The following ZCCHC24 variants were observed in gnomAD, a reference collection of about 807,000 sequenced individuals.
ZCCHC24 encodes zinc finger CCHC-type containing 24.
A neutral mutation model predicts 26.2 loss-of-function variants in ZCCHC24; 10 were observed. The observed-to-expected ratio is 0.38, with a 90% CI of 0.24 to 0.65. The LOEUF (loss-of-function observed/expected upper bound fraction) is 0.65, where lower values mean the gene tolerates loss of function less well. Among genes scored for constraint, ZCCHC24 ranks in the 30% least tolerant of loss-of-function variants. The pLI, the probability that ZCCHC24 is intolerant of heterozygous loss-of-function variation, is 0.54. For synonymous variants in ZCCHC24, 144 were observed against 147.1 expected, an observed-to-expected ratio of 0.98 and a Z score of 0.15; for missense variants, 243 against 329.1, an observed-to-expected ratio of 0.74 and a Z score of 2.03.
chr10:79,416,781 T>C (rs1856867091), intron 2 of ZCCHC24, among the ~76,000 whole-genome samples: 1 of 152,168 alleles, frequency 6.6e-6, no homozygotes. Context: ...AGCCTCTCTG[T>C]GCCTCAGTTT....
intron 2 of ZCCHC24, among the ~76,000 whole-genome samples, chr10:79,428,265 A>G (rs147723716): frequency 0.014 from 2,061 of 152,330 alleles, 46 homozygotes; most frequent in African/African-American, 0.047. Flanking sequence ...TGAGCCAATC[A>G]CCAAAAGACA....
intron 2 of ZCCHC24, among the ~76,000 whole-genome samples, chr10:79,429,426 A>C (rs751704633): frequency 6.6e-6 from 1 of 152,140 alleles, no homozygotes; most frequent in South Asian, 2.1e-4. Context: ...TATTAAAAAC[A>C]GAAAAATTAG....
At chr10:79,443,509 C>T (rs1406983006) in intron 1 of ZCCHC24, among the ~76,000 whole-genome samples, 2 of 152,188 alleles carry the variant, frequency 1.3e-5, no homozygotes, top group African/African-American at 4.8e-5. Context: ...CACAAGCACC[C>T]CCATCAAATC....
intron 2 of ZCCHC24, among the ~76,000 whole-genome samples, chr10:79,401,029 G>A (rs1459819700): frequency 6.6e-6 from 1 of 152,236 alleles, no homozygotes; most frequent in East Asian, 1.9e-4. Flanking sequence ...TTGCACAGAG[G>A]TGACATTGTG....
chr10:79,441,809 G>A (rs1857294605), intron 1 of ZCCHC24, among the ~76,000 whole-genome samples: 2 of 152,170 alleles, frequency 1.3e-5, no homozygotes, highest in South Asian at 4.2e-4. Flanking sequence ...TGGAGAAAGA[G>A]GGAAAGAGAA....
chr10:79,392,443 C>A (rs774916429), intron 3 of ZCCHC24, among the ~76,000 whole-genome samples: 1 of 152,162 alleles, frequency 6.6e-6, no homozygotes, highest in Non-Finnish European at 1.5e-5. Context: ...TTGCACCATC[C>A]AACCCATGAA....
At chr10:79,408,362 A>G (rs1406002768) in intron 2 of ZCCHC24, among the ~76,000 whole-genome samples, 1 of 152,198 alleles carries the variant, frequency 6.6e-6, no homozygotes, top group Non-Finnish European at 1.5e-5. Flanking sequence ...ACTGGCATGT[A>G]TCTGACCAGC....
chr10:79,407,904 G>A (rs370510205), intron 2 of ZCCHC24, among the ~76,000 whole-genome samples: 9 of 152,006 alleles, frequency 5.9e-5, no homozygotes, highest in Non-Finnish European at 1.2e-4. Flanking sequence ...CAGTGGCGGC[G>A]GGGTACTGGG....
At chr10:79,436,121 C>T (rs1857215486) in intron 1 of ZCCHC24, among the ~76,000 whole-genome samples, 1 of 152,196 alleles carries the variant, frequency 6.6e-6, no homozygotes, top group African/African-American at 2.4e-5. Context: ...GTTCTGTGGC[C>T]TTCCTTCTGT....
chr10:79,406,933 C>T (rs1352663641), intron 2 of ZCCHC24, among the ~76,000 whole-genome samples: 1 of 152,224 alleles, frequency 6.6e-6, no homozygotes, highest in Non-Finnish European at 1.5e-5. Context: ...TTTTCATACC[C>T]ACCTTTACAC....
chr10:79,415,968 G>A (rs1589669564), intron 2 of ZCCHC24, among the ~76,000 whole-genome samples: 1 of 152,136 alleles, frequency 6.6e-6, no homozygotes, highest in East Asian at 1.9e-4. Context: ...GGGGAAGCTT[G>A]TGAAAATGCA....
chr10:79,411,551 G>A (rs1856792285), intron 2 of ZCCHC24, among the ~76,000 whole-genome samples: 1 of 152,196 alleles, frequency 6.6e-6, no homozygotes, highest in Non-Finnish European at 1.5e-5. Context: ...TAGAGGGAAA[G>A]GTGGCCCCAG....
intron 3 of ZCCHC24, among the ~76,000 whole-genome samples, chr10:79,388,228 T>C (rs1463755874): frequency 1.3e-5 from 2 of 152,108 alleles, no homozygotes; most frequent in Non-Finnish European, 2.9e-5. Flanking sequence ...CAGCCCGGCA[T>C]GCAGAAGCTG....
intron 2 of ZCCHC24, among the ~76,000 whole-genome samples, chr10:79,404,079 T>C (rs1287474959): frequency 6.6e-6 from 1 of 151,986 alleles, no homozygotes; most frequent in African/African-American, 2.4e-5. Flanking sequence ...CGAGACATGA[T>C]GCAGAAACAA....
chr10:79,445,114 G>A lies in ZCCHC24; in HGVS notation c.246+81C>T, dbSNP rs928067907. On this transcript the variant is annotated intron_variant, in intron 1 of 3. Coordinates refer to ENST00000372336, the MANE Select transcript of ZCCHC24 (RefSeq NM_153367.4). The stretch of plus-strand genomic sequence containing the variant: ...GCCGGGCCGCGCCAGGCCAGGAAGA[G>A]CGGGTCAGACAGGGAACGGCCCGCC... 144 of 1,199,602 alleles carry A rather than the reference G, an allele frequency of 1.2e-4. No individual in the cohort carries two copies. In the East Asian group the frequency reaches 4.6e-3, roughly 38 times the overall value. The allele number at this position is 1,199,602 out of a possible 1,614,324, so 74.3% of individuals were successfully genotyped here. A position where few individuals can be genotyped will look rare whatever the true frequency, so the allele number is the denominator to read the frequency against.
chr10:79,440,191 G>A (rs560059387), intron 1 of ZCCHC24, among the ~76,000 whole-genome samples: 11 of 152,238 alleles, frequency 7.2e-5, no homozygotes, highest in South Asian at 4.2e-4. Context: ...TTCCCTGAAT[G>A]CATTGTCTTT....
intron 3 of ZCCHC24, among the ~76,000 whole-genome samples, chr10:79,388,813 G>A (rs2132172791): frequency 6.6e-6 from 1 of 152,272 alleles, no homozygotes; most frequent in Non-Finnish European, 1.5e-5. Context: ...GTGGCACAGG[G>A]AGGAAACAGG....
Position 79,394,381 on chromosome 10 carries a change from C to G in ZCCHC24, c.507G>C (p.Glu169Asp). Residue 169 changes from glutamate to aspartate, a missense_variant, in exon 3 of 4, where the codon GAG becomes GAC. Glu to Asp is a conservative substitution (Grantham distance 45, BLOSUM62 2). Around this residue, in one of 2 missense-constraint regions of ZCCHC24, gnomAD observed 96 missense variants for 178.3 expected, o/e 0.54. Transcript: ENST00000372336. Reference protein sequence around the residue: ...PYQGKKRCFGEYKCPKCKRKW... With the variant: ...PYQGKKRCFGDYKCPKCKRKW... ...TTCTCTTGCACTTGGGACACTTGTACTCGCCGAAGCAGCGCTTTTTGCCCT... is the reference window on the plus strand; with the variant it reads ...TTCTCTTGCACTTGGGACACTTGTAGTCGCCGAAGCAGCGCTTTTTGCCCT... The G allele has an allele frequency of 6.2e-7, 1 of 1,614,246 alleles. No homozygotes were observed. Among genetic ancestry groups the G allele is most frequent in the Non-Finnish European group, 8.5e-7 (1 of 1,180,048 alleles).
At chr10:79,386,619 GAC>G (rs1251324649) in intron 3 of ZCCHC24, among the ~76,000 whole-genome samples, 161 bp from the exon 4 acceptor site, 1 of 152,116 alleles carries the variant, frequency 6.6e-6, no homozygotes, top group Non-Finnish European at 1.5e-5. Flanking sequence ...GAGACTGACA[GAC>G]ACAGTGAGGG....
Sources: allele counts gnomAD v4.1 joint callset (sites outside exome capture counted in the v4.1 genomes callset), GRCh38; gene constraint gnomAD v4.1.1; regional missense constraint gnomAD v4.1.1; transcripts MANE v1.5; gene names NCBI Gene and HGNC (gene_info 2026-07-23, HGNC 2026-07-21).